ACAP2: variants seen among roughly 807,000 people sequenced by gnomAD.
ACAP2 encodes the protein ArfGAP with coiled-coil, ankyrin repeat and PH domains 2, also known as arf-GAP with coiled-coil, ANK repeat and PH domain-containing protein 2.
Under a neutral mutation model 115.8 loss-of-function variants are expected in ACAP2, and 39 were observed. That is an observed-to-expected ratio of 0.34 (90% CI 0.26 to 0.44). ACAP2 has a LOEUF of 0.44. Ranked by LOEUF, ACAP2 falls within the 20% of genes least tolerant of loss-of-function variation. ACAP2 has a pLI of 1.00. For missense variants in ACAP2, 662 were observed against 927.6 expected, an observed-to-expected ratio of 0.71 and a Z score of 3.72; for synonymous variants, 289 against 315.8, an observed-to-expected ratio of 0.92 and a Z score of 0.90.
In ACAP2 at chr3:195,297,878, T is replaced by G. The variant is rs1577253957; in HGVS notation, c.1396-597A>C. Among the ~76,000 whole-genome samples the G allele has an allele frequency of 2.0e-5, 3 of 152,328 alleles. No individual in the cohort carries two copies. The South Asian group carries it at 6.2e-4, about 32-fold the overall frequency. ...TTTTCCTTTCCATCTGTTACTCACC[T>G]CTTTAATTCTGTTCAAGCTCTCCTT... On this transcript the variant is annotated intron_variant, in intron 15 of 22. Transcript: ENST00000326793.
intron 1 of ACAP2, among the ~76,000 whole-genome samples, chr3:195,424,623 TA>T (rs1279390606): frequency 6.6e-6 from 1 of 151,552 alleles, no homozygotes. Flanking sequence ...TTTAGTCAAC[TA>T]AAAAAATTTT....
intron 1 of ACAP2, chr3:195,412,961 T>C (rs748345371): frequency 2.9e-5 from 13 of 454,192 alleles, no homozygotes; most frequent in Non-Finnish European, 4.0e-5. Flanking sequence ...GAAATATGTA[T>C]ACATGTAAGG....
intron 4 of ACAP2, among the ~76,000 whole-genome samples, chr3:195,376,244 G>C (rs1004986552): frequency 6.6e-6 from 1 of 151,854 alleles, no homozygotes. Flanking sequence ...AAATATAAAC[G>C]CTAGCCGGGT....
intron 8 of ACAP2, among the ~76,000 whole-genome samples, chr3:195,330,532 A>T (rs896195267): frequency 6.6e-6 from 1 of 152,188 alleles, no homozygotes; most frequent in African/African-American, 2.4e-5. Flanking sequence ...ATGAGAGCGC[A>T]ATCTAATATT....
intron 1 of ACAP2, among the ~76,000 whole-genome samples, chr3:195,408,135 T>C (rs938080005): frequency 4.6e-5 from 7 of 152,202 alleles, no homozygotes; most frequent in African/African-American, 1.7e-4. Flanking sequence ...AATAGACTTA[T>C]AACTAGTAAA....
chr3:195,377,653 GA>G (rs1457844428), intron 4 of ACAP2, among the ~76,000 whole-genome samples: 1 of 151,786 alleles, frequency 6.6e-6, no homozygotes, highest in Non-Finnish European at 1.5e-5. Context: ...CATTCCTACT[GA>G]AAAAAATTTA....
At chr3:195,329,859 G>A (rs765323645) in intron 8 of ACAP2, among the ~76,000 whole-genome samples, 2 of 151,916 alleles carry the variant, frequency 1.3e-5, no homozygotes, top group Non-Finnish European at 2.9e-5. Context: ...ATGTCCTAAC[G>A]CAGCTTCTCT....
At chr3:195,383,753 T>C (rs1339546490) in intron 2 of ACAP2, among the ~76,000 whole-genome samples, 2 of 151,764 alleles carry the variant, frequency 1.3e-5, no homozygotes, top group Non-Finnish European at 2.9e-5. Context: ...AGGACAAGTT[T>C]CCGTACCATA....
intron 4 of ACAP2, among the ~76,000 whole-genome samples, chr3:195,368,175 A>C (rs570496325): frequency 1.3e-5 from 2 of 152,138 alleles, no homozygotes; most frequent in Non-Finnish European, 2.9e-5. Context: ...TCTGAGACCA[A>C]GTCTCTCTCT....
rs148262933 is a variant in ACAP2, at chr3:195,361,894, T to C, written c.286-16577A>G. On this transcript the variant is annotated intron_variant, in intron 4 of 22. Coordinates refer to ENST00000326793, the MANE Select transcript of ACAP2 (RefSeq NM_012287.6). ...CATTACAGGCTACTATGAACAACTA[T>C]GCACCAATAAATTAGAAAACCTAGA... is the stretch of plus-strand genomic sequence containing the variant. 2.5e-3 allele frequency among the ~76,000 whole-genome samples: 386 copies of C among 152,298 alleles called. 3 individuals carry two copies. The highest frequency in any genetic ancestry group is 8.9e-3 in the African/African-American group (370 of 41,568).
At chr3:195,406,408 G>A (rs1712773418) in intron 1 of ACAP2, among the ~76,000 whole-genome samples, 1 of 152,044 alleles carries the variant, frequency 6.6e-6, no homozygotes, top group Non-Finnish European at 1.5e-5. Flanking sequence ...CCATGGCTAG[G>A]AAAGGACTAC....
chr3:195,438,331 A>G (rs978333401), intron 1 of ACAP2, among the ~76,000 whole-genome samples: 4 of 151,702 alleles, frequency 2.6e-5, no homozygotes, highest in Non-Finnish European at 5.9e-5. Flanking sequence ...CCCAGTCAGG[A>G]TTCCTGTATT....
chr3:195,441,804 C>T (rs1447416060), intron 1 of ACAP2: 1 of 152,162 alleles, frequency 6.6e-6, no homozygotes, highest in African/African-American at 2.4e-5. Context: ...CTCCATTGTC[C>T]AAAACAACTC....
Position 195,429,408 on chromosome 3 carries a change from C to T in ACAP2, c.53+13387G>A, listed in dbSNP as rs1714939056. ...AAAAAAAAAAAAAATGAACTAGTGA[C>T]ACACAGAAAAACATGGATCAATCTC... is the stretch of plus-strand genomic sequence containing the variant. On this transcript the variant is annotated intron_variant, in intron 1 of 22. Transcript: ENST00000326793. 2.0e-5 allele frequency among the ~76,000 whole-genome samples: 3 copies of T among 147,984 alleles called. No individual in the cohort carries two copies. The South Asian group carries it at 6.4e-4, about 31-fold the overall frequency.
At chr3:195,371,580 TC>T (rs1414146220) in intron 4 of ACAP2, among the ~76,000 whole-genome samples, 2 of 152,188 alleles carry the variant, frequency 1.3e-5, no homozygotes, top group Non-Finnish European at 2.9e-5. Context: ...GGCCAGGACT[TC>T]CAATACTATG....
At chr3:195,394,239 T>TC (rs1393220518) in intron 1 of ACAP2, among the ~76,000 whole-genome samples, 1 of 151,982 alleles carries the variant, frequency 6.6e-6, no homozygotes, top group Non-Finnish European at 1.5e-5. Flanking sequence ...TAGTCTCAGT[T>TC]CCCCATAGCA....
chr3:195,289,308 A>T (rs1273940284), intron 20 of ACAP2, 77 bp from the exon 21 acceptor site: 1 of 911,142 alleles, frequency 1.1e-6, no homozygotes, highest in Non-Finnish European at 1.7e-6. Flanking sequence ...AAAAAAAAGT[A>T]CTACTTAAGT....
rs1269959715 is a variant in ACAP2, at chr3:195,277,367, G to C, written c.*1961C>G. 1 of 152,200 alleles carries C rather than the reference G, an allele frequency of 6.6e-6. No individual in the cohort carries two copies. Among genetic ancestry groups the C allele is most frequent in the Admixed American group, 6.5e-5 (1 of 15,282 alleles). 9.4% of individuals were successfully genotyped at this position (152,200 alleles called of 1,614,324 possible). A position where few individuals can be genotyped will look rare whatever the true frequency, so the allele number is the denominator to read the frequency against. ...AAAAAGCCAGATGATCTATGACTTT[G>C]AGGTGAAACAGCAAAGATAAAGATT... On this transcript the variant is annotated 3_prime_UTR_variant, in exon 23 of 23. Transcript: ENST00000326793.
intron 1 of ACAP2, among the ~76,000 whole-genome samples, chr3:195,432,583 T>C (rs1457452221): frequency 6.6e-6 from 1 of 152,256 alleles, no homozygotes; most frequent in Non-Finnish European, 1.5e-5. Context: ...ACCGTCTTCA[T>C]TACAATCACT....
Sources: gnomAD v4.1 joint callset for allele counts (sites outside exome capture counted in the v4.1 genomes callset) on GRCh38, gnomAD v4.1.1 for gene constraint, MANE v1.5 for transcripts, NCBI Gene and HGNC (gene_info 2026-07-23, HGNC 2026-07-21) for gene names.